The following ZYG11A variants were observed in gnomAD, a reference collection of about 807,000 sequenced individuals.
ZYG11A encodes protein zyg-11 homolog A.
A neutral mutation model predicts 77.2 loss-of-function variants in ZYG11A; 62 were observed. The observed-to-expected ratio is 0.80, with a 90% CI of 0.65 to 0.99. The LOEUF (loss-of-function observed/expected upper bound fraction) is 0.99. Among genes scored for constraint, ZYG11A ranks in the 50% least tolerant of loss-of-function variants. The pLI, the probability that ZYG11A is intolerant of heterozygous loss-of-function variation, is 0.00. For synonymous variants in ZYG11A, 315 were observed against 324.6 expected (o/e 0.97, Z 0.32); for missense variants, 828 against 896.8 (o/e 0.92, Z 0.98).
At chr1:52,867,351 A>T (rs1009006873) in intron 6 of ZYG11A, among the ~76,000 whole-genome samples, 188 bp from the exon 7 acceptor site, 3 of 152,016 alleles carry the variant, frequency 2.0e-5, no homozygotes, top group Admixed American at 6.6e-5. Context: ...TTACGTTCTT[A>T]TTTGCATACT....
At chr1:52,872,900 GA>G (rs1646194863) in intron 8 of ZYG11A, among the ~76,000 whole-genome samples, 1 of 45,358 alleles carries the variant, frequency 2.2e-5, no homozygotes, top group Non-Finnish European at 7.0e-5. Context: ...AAAAAAAAAA[GA>G]AAAGAAAAGA....
intron 1 of ZYG11A, among the ~76,000 whole-genome samples, chr1:52,853,505 T>C (rs1645752634): frequency 6.6e-6 from 1 of 152,224 alleles, no homozygotes; most frequent in South Asian, 2.1e-4. Context: ...TCAGATTTCT[T>C]GTTTGTATTC....
chr1:52,881,300 C>T, intron 10 of ZYG11A, 171 bp from the exon 11 acceptor site: 1 of 501,122 alleles, frequency 2.0e-6, no homozygotes, highest in East Asian at 3.1e-5. Flanking sequence ...AATGATCATC[C>T]TCATCAAGGG....
At chr1:52,863,571 G>A (rs945855831) in intron 4 of ZYG11A, among the ~76,000 whole-genome samples, 1 of 152,084 alleles carries the variant, frequency 6.6e-6, no homozygotes, top group African/African-American at 2.4e-5. Context: ...CGTCTTTTAT[G>A]GTGCTTTTCT....
intron 8 of ZYG11A, 78 bp from the exon 9 acceptor site, chr1:52,877,604 C>CT (rs1381093471): frequency 7.6e-7 from 1 of 1,311,534 alleles, no homozygotes; most frequent in African/African-American, 1.5e-5. Context: ...TTTGATGCGT[C>CT]TTAACATTGC....
chr1:52,884,518 G>T (rs1050994240), intron 11 of ZYG11A, among the ~76,000 whole-genome samples: 1 of 151,258 alleles, frequency 6.6e-6, no homozygotes, highest in Non-Finnish European at 1.5e-5. Context: ...GCCGGGCGTG[G>T]TGGTGGGCAC....
chr1:52,893,063 T>C lies in ZYG11A; in HGVS notation c.*106T>C. 1 of 1,002,920 alleles carries C rather than the reference T, an allele frequency of 1.0e-6. No individual in the cohort carries two copies. Among genetic ancestry groups the C allele is most frequent in the Non-Finnish European group, 1.4e-6 (1 of 696,174 alleles). 62.1% of individuals were successfully genotyped at this position (1,002,920 alleles called of 1,614,324 possible). On this transcript the variant is annotated 3_prime_UTR_variant, in exon 14 of 14. Transcript: ENST00000371528. ...TGGAGTTTGTGAGTTGGCTGTCTCATTGGCCTTTGATTGTTGATTTTATAT... is the reference window on the plus strand; with the variant it reads ...TGGAGTTTGTGAGTTGGCTGTCTCACTGGCCTTTGATTGTTGATTTTATAT...
rs1646026341 is a variant in ZYG11A, at chr1:52,866,288, A to G, written c.1327-215A>G. Among the ~76,000 whole-genome samples, 2 of 151,928 alleles carry G rather than the reference A, an allele frequency of 1.3e-5. 1 individual carries two copies. Among genetic ancestry groups the G allele is most frequent in the South Asian group, 4.1e-4 (2 of 4,820 alleles). ...GTTAGGAAGGTGGTTTTCCTCATTT[A>G]TTTCTACCTTATTTTTAAAGTTGGA... On this transcript the variant is annotated intron_variant, in intron 5 of 13. Transcript: ENST00000371528.
chr1:52,843,004 A>C, intron 1 of ZYG11A, 31 bp downstream of exon 1: 2 of 1,487,666 alleles, frequency 1.3e-6, no homozygotes, highest in Non-Finnish European at 1.8e-6. Flanking sequence ...GGCGACGCGG[A>C]CCTCGGCGCC....
chr1:52,849,936 G>A (rs1645676182), intron 1 of ZYG11A, among the ~76,000 whole-genome samples: 2 of 151,760 alleles, frequency 1.3e-5, no homozygotes, highest in Admixed American at 6.6e-5. Flanking sequence ...CGCCCACCTC[G>A]GCCTCCTAAA....
At chr1:52,845,279 G>C (rs1389498172) in intron 1 of ZYG11A, among the ~76,000 whole-genome samples, 1 of 148,288 alleles carries the variant, frequency 6.7e-6, no homozygotes, top group Admixed American at 6.8e-5. Flanking sequence ...CAGCAATCTT[G>C]CATTTGTATG....
intron 13 of ZYG11A, among the ~76,000 whole-genome samples, chr1:52,888,231 T>C (rs1425857157): frequency 6.6e-6 from 1 of 152,218 alleles, no homozygotes; most frequent in African/African-American, 2.4e-5. Context: ...CTATTAGATA[T>C]ATAGATGTCA....
chr1:52,863,483 C>G (rs994390363), intron 4 of ZYG11A, among the ~76,000 whole-genome samples: 2 of 152,080 alleles, frequency 1.3e-5, no homozygotes, highest in African/African-American at 4.8e-5. Context: ...TAAATGTGCT[C>G]TCTCAATGAG....
At chr1:52,881,035 C>G (rs1646354583) in intron 10 of ZYG11A, among the ~76,000 whole-genome samples, 1 of 152,156 alleles carries the variant, frequency 6.6e-6, no homozygotes, top group African/African-American at 2.4e-5. Flanking sequence ...GCCTGACTTT[C>G]ATTGTTGTTG....
Position 52,867,639 on chromosome 1 carries a change from G to C in ZYG11A, c.1491+1G>C. ...TGTCACCTCTATTCTGGCTCTGCAGGTTTGTGATTTCTTAAAGGCAAGATG... is the reference window on the plus strand; with the variant it reads ...TGTCACCTCTATTCTGGCTCTGCAGCTTTGTGATTTCTTAAAGGCAAGATG... On this transcript the variant is annotated splice_donor_variant, in intron 7 of 13. Coordinates refer to ENST00000371528, the MANE Select transcript of ZYG11A (RefSeq NM_001004339.3). LOFTEE classifies it high-confidence loss of function. 3.9e-6 allele frequency: 6 copies of C among 1,551,898 alleles called. No homozygotes were observed. The highest frequency in any genetic ancestry group is 5.2e-6 in the Non-Finnish European group (6 of 1,146,834).
rs945944145 is a variant in ZYG11A at position 52,892,753 on chromosome 1, T to A, written c.2105-29T>A. 1.9e-6 allele frequency: 3 copies of A among 1,545,570 alleles called. No homozygotes were observed. In the Admixed American group the frequency reaches 5.9e-5, roughly 30 times the overall value. ...GAGTATTTAAAATGCCAGTTGTCCA[T>A]GGAGTGTCTCTGCTTGATTTTCTTT... On this transcript the variant is annotated intron_variant, in intron 13 of 13. Coordinates refer to ENST00000371528, the MANE Select transcript of ZYG11A (RefSeq NM_001004339.3).
At chr1:52,863,440 T>G (rs1445512792) in intron 4 of ZYG11A, among the ~76,000 whole-genome samples, 2 of 152,212 alleles carry the variant, frequency 1.3e-5, no homozygotes, top group Non-Finnish European at 2.9e-5. Flanking sequence ...CCCCTACATT[T>G]ATCTCCTCCT....
At chr1:52,845,701 T>A (rs930549810) in intron 1 of ZYG11A, among the ~76,000 whole-genome samples, 5 of 151,898 alleles carry the variant, frequency 3.3e-5, no homozygotes, top group African/African-American at 1.2e-4. Context: ...ATTAAAAATG[T>A]ATTTTTTAAA....
intron 8 of ZYG11A, among the ~76,000 whole-genome samples, chr1:52,871,241 A>G (rs998683905): frequency 1.3e-5 from 2 of 152,148 alleles, no homozygotes; most frequent in African/African-American, 4.8e-5. Flanking sequence ...TCCTGGGCTC[A>G]AGCGACCCTC....
Sources: gnomAD v4.1 joint callset for allele counts (sites outside exome capture counted in the v4.1 genomes callset) on GRCh38, gnomAD v4.1.1 for gene constraint, MANE v1.5 for transcripts, NCBI Gene and HGNC (gene_info 2026-07-23, HGNC 2026-07-21) for gene names.